Variants in SEMA5A observed in about 807,000 individuals in gnomAD.
SEMA5A encodes semaphorin-5A.
In SEMA5A, 55 loss-of-function variants were observed where a neutral mutation model predicts 135.5. That is an observed-to-expected ratio of 0.41 (90% CI 0.33 to 0.51). The LOEUF (loss-of-function observed/expected upper bound fraction) is 0.51. Ranked by LOEUF, SEMA5A falls within the 20% of genes least tolerant of loss-of-function variation. SEMA5A has a pLI of 0.37. For missense variants in SEMA5A, 1,290 were observed against 1,419.9 expected (o/e 0.91, Z 1.47); for synonymous variants, 580 against 546.5 (o/e 1.06, Z -0.85).
intron 10 of SEMA5A, among the ~76,000 whole-genome samples, chr5:9,193,261 C>T (rs1745210184): frequency 6.6e-6 from 1 of 152,062 alleles, no homozygotes; most frequent in Admixed American, 6.6e-5. Flanking sequence ...ATGCTGGACT[C>T]CCGCTGTGTC....
chr5:9,265,790 A>ACAGG (rs2150527038), intron 5 of SEMA5A, among the ~76,000 whole-genome samples: 1 of 152,340 alleles, frequency 6.6e-6, no homozygotes, highest in East Asian at 1.9e-4. Flanking sequence ...GGTTCCAGAC[A>ACAGG]CAGGATTCAG....
At chr5:9,315,057 C>T (rs1752331200) in intron 5 of SEMA5A, among the ~76,000 whole-genome samples, 1 of 152,260 alleles carries the variant, frequency 6.6e-6, no homozygotes, top group Non-Finnish European at 1.5e-5. Flanking sequence ...CAATCAGTTT[C>T]CTTGACCTCA....
chr5:9,196,779 TTGTG>T (rs1403189948), intron 10 of SEMA5A, among the ~76,000 whole-genome samples: 1 of 152,200 alleles, frequency 6.6e-6, no homozygotes, highest in African/African-American at 2.4e-5. Flanking sequence ...CTAATCCTGT[TTGTG>T]TGTCTCTGCT....
intron 5 of SEMA5A, among the ~76,000 whole-genome samples, chr5:9,265,857 C>T (rs1191661648): frequency 2.0e-5 from 3 of 152,136 alleles, no homozygotes; most frequent in East Asian, 3.9e-4. Flanking sequence ...GCTCAGCAGG[C>T]ACACCGTGTT....
chr5:9,457,049 T>A (rs1226548665), intron 1 of SEMA5A, among the ~76,000 whole-genome samples: 1 of 152,210 alleles, frequency 6.6e-6, no homozygotes, highest in East Asian at 1.9e-4. Flanking sequence ...ACATTCTAGA[T>A]CGAGCCTAGC....
At chr5:9,370,377 G>A (rs750152101) in intron 3 of SEMA5A, among the ~76,000 whole-genome samples, 1 of 152,132 alleles carries the variant, frequency 6.6e-6, no homozygotes, top group South Asian at 2.1e-4. Context: ...TTTTTACACT[G>A]GGGATTAGAG....
chr5:9,520,785 A>T (rs1736784341), intron 1 of SEMA5A, among the ~76,000 whole-genome samples: 1 of 152,188 alleles, frequency 6.6e-6, no homozygotes, highest in Non-Finnish European at 1.5e-5. Flanking sequence ...AAACTACCTG[A>T]TCAGTCCTCC....
chr5:9,197,038 C>T, intron 10 of SEMA5A, 130 bp downstream of exon 10: 1 of 1,291,134 alleles, frequency 7.7e-7, no homozygotes, highest in East Asian at 2.4e-5. Flanking sequence ...TGGGGCTGTC[C>T]ATGAGGGGCC....
intron 1 of SEMA5A, among the ~76,000 whole-genome samples, chr5:9,441,385 G>A (rs1000781736): frequency 2.0e-5 from 3 of 152,098 alleles, no homozygotes; most frequent in Non-Finnish European, 4.4e-5. Flanking sequence ...GAAACAAACA[G>A]TAGATGAGGG....
At position 9,066,524 on chromosome 5, in the gene SEMA5A, T is replaced by A; in HGVS notation, c.2196A>T (p.Thr732=). The A allele has an allele frequency of 1.9e-6, 3 of 1,614,168 alleles. No individual in the cohort carries two copies. Among genetic ancestry groups the A allele is most frequent in the Non-Finnish European group, 1.7e-6 (2 of 1,180,024 alleles). ...GGHYEQRFRY[T]CKARLADPNL... The stretch of plus-strand genomic sequence containing the variant: ...TCGGATCAGCCAGGCGGGCTTTGCA[T>A]GTGTATCGGAATCGTTGCTCATAGT... Residue 732 remains threonine (T), a synonymous_variant, in exon 17 of 23, where the codon ACA becomes ACT. Transcript: ENST00000382496.
At chr5:9,305,074 G>A (rs1374256946) in intron 5 of SEMA5A, among the ~76,000 whole-genome samples, 1 of 152,034 alleles carries the variant, frequency 6.6e-6, no homozygotes, top group African/African-American at 2.4e-5. Flanking sequence ...CCGCACAACA[G>A]TTCCACAATT....
chr5:9,407,777 G>A (rs562703957), intron 2 of SEMA5A, among the ~76,000 whole-genome samples: 7 of 152,218 alleles, frequency 4.6e-5, no homozygotes, highest in Non-Finnish European at 8.8e-5. Flanking sequence ...TGATGCAGTG[G>A]CCTGCCAGAT....
In SEMA5A at chr5:9,242,132, G is replaced by A. The variant is rs373117350; in HGVS notation, c.271-4242C>T. 2.0e-3 allele frequency among the ~76,000 whole-genome samples: 304 copies of A among 152,284 alleles called. 15 individuals are homozygous for A. In the South Asian group the frequency reaches 0.06, roughly 30 times the overall value. ...TTGCCATGGCAATTATAAACAAATC[G>A]TCAGGGTATGCAAGACTATATCTTT... On this transcript the variant is annotated intron_variant, in intron 5 of 22. Transcript: ENST00000382496.
At chr5:9,066,211 T>C (rs1400346650) in intron 17 of SEMA5A, among the ~76,000 whole-genome samples, 1 of 152,234 alleles carries the variant, frequency 6.6e-6, no homozygotes, top group East Asian at 1.9e-4. Flanking sequence ...GATTTCATAG[T>C]ATCACTTCAA....
chr5:9,477,733 G>A (rs960667613), intron 1 of SEMA5A, among the ~76,000 whole-genome samples: 20 of 152,192 alleles, frequency 1.3e-4, no homozygotes, highest in African/African-American at 4.6e-4. Context: ...ATAGTCATAT[G>A]TGTTCACAAA....
At chr5:9,152,148 T>A (rs1369848844) in intron 12 of SEMA5A, among the ~76,000 whole-genome samples, 1 of 152,216 alleles carries the variant, frequency 6.6e-6, no homozygotes, top group Non-Finnish European at 1.5e-5. Context: ...CCTCATGCTC[T>A]GTAAGCCATG....
intron 2 of SEMA5A, among the ~76,000 whole-genome samples, chr5:9,424,211 C>T (rs776920859): frequency 1.3e-5 from 2 of 152,190 alleles, no homozygotes; most frequent in Non-Finnish European, 2.9e-5. Context: ...AAGGAACTCA[C>T]ATCAAATATT....
rs1405850698 is a variant in SEMA5A at position 9,042,484 on chromosome 5, C to T, written c.*413G>A. ...TGAAATATTATGGACCTATGCACTT[C>T]TTGTGGAAGGAGCAGGTCTTTCAGA... On this transcript the variant is annotated 3_prime_UTR_variant, in exon 23 of 23. Transcript: ENST00000382496. The T allele has an allele frequency of 1.4e-5, 3 of 214,300 alleles. No individual in the cohort carries two copies. Among genetic ancestry groups the T allele is most frequent in the Non-Finnish European group, 2.7e-5 (3 of 109,368 alleles). The allele number at this position is 214,300 out of a possible 1,614,324, so 13.3% of individuals were successfully genotyped here. A position where few individuals can be genotyped will look rare whatever the true frequency, so the allele number is the denominator to read the frequency against.
chr5:9,331,295 T>A (rs943535057), intron 4 of SEMA5A, among the ~76,000 whole-genome samples: 2 of 152,132 alleles, frequency 1.3e-5, no homozygotes, highest in African/African-American at 4.8e-5. Context: ...TTAAAATTAA[T>A]CCCCCTTGTT....
Sources: allele counts gnomAD v4.1 joint callset (sites outside exome capture counted in the v4.1 genomes callset), GRCh38; gene constraint gnomAD v4.1.1; transcripts MANE v1.5; gene names NCBI Gene and HGNC (gene_info 2026-07-23, HGNC 2026-07-21).